The following COL27A1 variants were observed in gnomAD, a reference collection of about 807,000 sequenced individuals.
COL27A1 encodes collagen type XXVII alpha 1 chain.
Under a neutral mutation model 251.3 loss-of-function variants are expected in COL27A1, and 106 were observed. The observed-to-expected ratio is 0.42, with a 90% CI of 0.36 to 0.50. The LOEUF (loss-of-function observed/expected upper bound fraction) is 0.50, where lower values mean the gene tolerates loss of function less well. Ranked by LOEUF, COL27A1 falls within the 20% of genes least tolerant of loss-of-function variation. The probability of loss-of-function intolerance (pLI) is 0.00; values close to 1 mark genes in which losing one functional copy is unlikely to be tolerated. For missense variants in COL27A1, 2,325 were observed against 2,522.8 expected, an observed-to-expected ratio of 0.92 and a Z score of 1.68; for synonymous variants, 1,000 against 986.3, an observed-to-expected ratio of 1.01 and a Z score of -0.26.
intron 20 of COL27A1, 65 bp downstream of exon 20, chr9:114,240,338 T>C (rs1338740538): frequency 1.7e-5 from 27 of 1,583,000 alleles, no homozygotes; most frequent in Non-Finnish European, 2.2e-5. Flanking sequence ...CCACAGGGGC[T>C]GGCTGCCTGG....
intron 14 of COL27A1, among the ~76,000 whole-genome samples, chr9:114,230,694 A>G (rs772122944): frequency 2.0e-5 from 3 of 152,154 alleles, no homozygotes; most frequent in Non-Finnish European, 4.4e-5. Context: ...ACTTCCATTT[A>G]TGCTGAATTT....
chr9:114,227,048 C>A (rs945211293), intron 14 of COL27A1, among the ~76,000 whole-genome samples: 1 of 152,130 alleles, frequency 6.6e-6, no homozygotes, highest in African/African-American at 2.4e-5. Flanking sequence ...CATGGCACTC[C>A]GGGTATAGGA....
At chr9:114,245,832 A>G (rs773928289) in intron 23 of COL27A1, 34 bp from the exon 24 acceptor site, 15 of 1,610,354 alleles carry the variant, frequency 9.3e-6, no homozygotes, top group South Asian at 4.4e-5. Context: ...TTCATCTCCC[A>G]TCCCAATCCA....
intron 5 of COL27A1, 131 bp downstream of exon 5, chr9:114,183,206 A>C: frequency 2.4e-6 from 2 of 836,172 alleles, no homozygotes; most frequent in Non-Finnish European, 3.9e-6. Flanking sequence ...AGCCAGGGGC[A>C]CCCTCTGGGC....
At position 114,240,421 on chromosome 9, in the gene COL27A1, C is replaced by T. The variant is rs199638370; in HGVS notation, c.2782-13C>T. 38 of 1,613,018 alleles carry T rather than the reference C, an allele frequency of 2.4e-5. No homozygotes were observed. The East Asian group carries it at 7.4e-4, about 31-fold the overall frequency. ...CCGCCTCTGAGACTCCCTTTTTGTT[C>T]CCTTCTCCCCAGGGTAAGCCTGGAG... On this transcript the variant is annotated splice_polypyrimidine_tract_variant and intron_variant, in intron 20 of 60. Coordinates refer to ENST00000356083, the MANE Select transcript of COL27A1 (RefSeq NM_032888.4).
chr9:114,284,917 TG>T lies in COL27A1; in HGVS notation c.3987+142del, dbSNP rs111492876. 974 of 843,878 alleles carry T rather than the reference TG, an allele frequency of 1.2e-3. 9 individuals carry two copies. In the African/African-American group the frequency reaches 0.015, roughly 13 times the overall value. 52.3% of individuals were successfully genotyped at this position (843,878 alleles called of 1,614,324 possible). A position where few individuals can be genotyped will look rare whatever the true frequency, so the allele number is the denominator to read the frequency against. On this transcript the variant is annotated intron_variant, in intron 41 of 60. Transcript: ENST00000356083. ...GCTCACCCCCTGCAGCAGCCGAGGC[TG>T]GTGTCACTGCCACTGTGCCCAGCCC... is the stretch of plus-strand genomic sequence containing the variant.
In COL27A1 at chr9:114,253,049, C is replaced by T. The variant is rs1056309648; in HGVS notation, c.3141+117C>T. The T allele has an allele frequency of 2.8e-5, 23 of 823,016 alleles. No homozygotes were observed. In the African/African-American group the frequency reaches 2.9e-4, roughly 10 times the overall value. The allele number at this position is 823,016 out of a possible 1,614,324, so 51.0% of individuals were successfully genotyped here. ...ACTTCGGGAGGCCGATCACTTGAGGCCAGAGTTCAAGACCAGCCTGACAAA... is the reference window on the plus strand; with the variant it reads ...ACTTCGGGAGGCCGATCACTTGAGGTCAGAGTTCAAGACCAGCCTGACAAA... On this transcript the variant is annotated intron_variant, in intron 27 of 60. Coordinates refer to ENST00000356083, the MANE Select transcript of COL27A1 (RefSeq NM_032888.4).
At chr9:114,201,604 A>T (rs766339336) in intron 7 of COL27A1, among the ~76,000 whole-genome samples, 2 of 152,166 alleles carry the variant, frequency 1.3e-5, no homozygotes, top group Non-Finnish European at 2.9e-5. Flanking sequence ...CCTAGGGAAA[A>T]GTACTGGCTT....
intron 49 of COL27A1, among the ~76,000 whole-genome samples, chr9:114,299,278 TTATAA>T (rs10527087): frequency 0.079 from 12,059 of 152,188 alleles, 776 homozygotes; most frequent in East Asian, 0.24. Flanking sequence ...GCTCCTGGTC[TTATAA>T]TATAAGGCTA....
intron 14 of COL27A1, among the ~76,000 whole-genome samples, chr9:114,229,686 GGA>G (rs1831793807): frequency 6.6e-6 from 1 of 152,224 alleles, no homozygotes; most frequent in South Asian, 2.1e-4. Context: ...GATGGACAAG[GGA>G]GAGAGGAGGG....
At position 114,283,702 on chromosome 9, in the gene COL27A1, C is replaced by T. The variant is rs1455531316; in HGVS notation, c.3880-7C>T. On this transcript the variant is annotated splice_polypyrimidine_tract_variant and splice_region_variant and intron_variant, in intron 39 of 60. Transcript: ENST00000356083. ...TCCATACCAACGAGGGTCTCCTCCT[C>T]TTGTAGGGTGCTCCGGGACGCATGG... is the stretch of plus-strand genomic sequence containing the variant. 5.6e-6 allele frequency: 9 copies of T among 1,613,844 alleles called. No individual in the cohort carries two copies. The highest frequency in any genetic ancestry group is 6.8e-6 in the Non-Finnish European group (8 of 1,179,920).
chr9:114,280,774 C>T (rs1317225832), intron 37 of COL27A1, among the ~76,000 whole-genome samples: 1 of 152,216 alleles, frequency 6.6e-6, no homozygotes, highest in Non-Finnish European at 1.5e-5. Flanking sequence ...GGTGGTCTGA[C>T]TGGTGCATCT....
upstream of COL27A1, among the ~76,000 whole-genome samples, chr9:114,154,542 CGT>C (rs2134968013): frequency 6.6e-6 from 1 of 152,174 alleles, no homozygotes; most frequent in African/African-American, 2.4e-5. The surrounding 1 kb of genome is among the most constrained non-coding windows in gnomAD (Gnocchi z 5.8). Flanking sequence ...GGTGTGCGCG[CGT>C]GTGTCCACCC....
At chr9:114,227,963 G>T (rs575809530) in intron 14 of COL27A1, among the ~76,000 whole-genome samples, 36 of 152,258 alleles carry the variant, frequency 2.4e-4, no homozygotes, top group African/African-American at 7.9e-4. Context: ...CAATGTGGGG[G>T]TCCCACCAAC....
rs1384152026 is a variant in COL27A1 at position 114,167,874 on chromosome 9, C to T, written c.319C>T (p.His107Tyr). ...GGCACTGGTGCTGAGCCTCTGCTCCCACCGGGTGAACCATGCCTTCCTCTT... is the reference window on the plus strand; with the variant it reads ...GGCACTGGTGCTGAGCCTCTGCTCCTACCGGGTGAACCATGCCTTCCTCTT... Reference protein sequence around the residue: ...ELALVLSLCSHRVNHAFLFAV... With the variant: ...ELALVLSLCSYRVNHAFLFAV... Residue 107 changes from histidine (H) to tyrosine (Y), a missense_variant, in exon 3 of 61, where the codon CAC (histidine) becomes TAC (tyrosine). Coordinates refer to ENST00000356083, the MANE Select transcript of COL27A1 (RefSeq NM_032888.4). 1 of 1,613,528 alleles carries T rather than the reference C, an allele frequency of 6.2e-7. No individual in the cohort carries two copies. The highest frequency in any genetic ancestry group is 2.2e-5 in the East Asian group (1 of 44,874).
In COL27A1 at chr9:114,229,226, A is replaced by G. The variant is rs114642785; in HGVS notation, c.2467-1853A>G. 4.9e-3 allele frequency among the ~76,000 whole-genome samples: 740 copies of G among 152,358 alleles called. 3 individuals are homozygous for G. Among genetic ancestry groups the G allele is most frequent in the Middle Eastern group, 0.014 (4 of 294 alleles). On this transcript the variant is annotated intron_variant, in intron 14 of 60. Coordinates refer to ENST00000356083, the MANE Select transcript of COL27A1 (RefSeq NM_032888.4). ...TCCAGAAAGGGGAAGCATTTGCCCA[A>G]GATCACACAGGTCAGGATGGGCCAA...
intron 25 of COL27A1, 64 bp downstream of exon 25, chr9:114,250,732 G>C: frequency 6.8e-7 from 1 of 1,476,506 alleles, no homozygotes; most frequent in Non-Finnish European, 9.5e-7. Flanking sequence ...GTAAAAAGGT[G>C]AAGAGGCCCT....
chr9:114,157,801 G>C (rs779687379), intron 1 of COL27A1, among the ~76,000 whole-genome samples: 38 of 152,256 alleles, frequency 2.5e-4, no homozygotes, highest in Admixed American at 6.5e-4. Flanking sequence ...TGCCAGCTTG[G>C]GTGAGCCACT....
intron 7 of COL27A1, among the ~76,000 whole-genome samples, chr9:114,196,738 G>C (rs889778631): frequency 6.6e-6 from 1 of 152,174 alleles, no homozygotes; most frequent in Non-Finnish European, 1.5e-5. Flanking sequence ...CATGCTGGGG[G>C]AGTTACCTGT....
Sources: gnomAD v4.1 joint callset for allele counts (sites outside exome capture counted in the v4.1 genomes callset) on GRCh38, gnomAD v4.1.1 for gene constraint, Gnocchi (gnomAD v3.1) non-coding constraint, MANE v1.5 for transcripts, NCBI Gene and HGNC (gene_info 2026-07-23, HGNC 2026-07-21) for gene names.